Variants in KLK13 observed in about 807,000 individuals in gnomAD.
The protein encoded by KLK13 is kallikrein-13.
In KLK13, 19 loss-of-function variants were observed where a neutral mutation model predicts 22.4. The observed-to-expected ratio is 0.85, with a 90% CI of 0.59 to 1.24. KLK13 has a LOEUF of 1.24. Ranked by LOEUF, KLK13 falls within the 50% of genes most tolerant of loss-of-function variation. The probability of loss-of-function intolerance (pLI) is 0.00; values close to 1 mark genes in which losing one functional copy is unlikely to be tolerated. For synonymous variants in KLK13, 156 were observed against 141.8 expected (o/e 1.10, Z -0.71); for missense variants, 311 against 347.9 (o/e 0.89, Z 0.84).
At chr19:51,058,740 A>G in intron 3 of KLK13, 66 bp from the exon 4 acceptor site, 1 of 1,520,738 alleles carries the variant, frequency 6.6e-7, no homozygotes, top group Non-Finnish European at 9.1e-7. Context: ...AAGGTGAAAT[A>G]GGCGAGTTGA....
At chr19:51,057,042 C>A (rs899959899) in intron 4 of KLK13, among the ~76,000 whole-genome samples, 1 of 152,190 alleles carries the variant, frequency 6.6e-6, no homozygotes, top group Non-Finnish European at 1.5e-5. Context: ...AAGAGAGACA[C>A]AGAGAAATTT....
intron 1 of KLK13, 73 bp from the exon 2 acceptor site, chr19:51,060,692 G>A: frequency 7.7e-7 from 1 of 1,302,784 alleles, no homozygotes; most frequent in Non-Finnish European, 1.1e-6. Context: ...TGGTTTCTGG[G>A]TTTGGGGTAA....
intron 1 of KLK13, among the ~76,000 whole-genome samples, 189 bp from the exon 2 acceptor site, chr19:51,060,808 C>A (rs540640117): frequency 6.6e-6 from 1 of 152,248 alleles, no homozygotes; most frequent in East Asian, 1.9e-4. Context: ...AAAGGGGTGA[C>A]ATTATTTTCT....
Position 51,059,909 on chromosome 19 carries a change from T to A in KLK13, c.424A>T (p.Thr142Ser). ...SPVQLTGYIQ[T>S]LPLSHNNRLT... ...CGGTTGTTGTGGGAAAGGGGCAGGG[T>A]TTGGATGTAGCCTGTGAGCTGGACC... Residue 142 changes from threonine to serine, a missense_variant, in exon 3 of 5, where the codon ACC (threonine) becomes TCC (serine). Coordinates refer to ENST00000595793, the MANE Select transcript of KLK13 (RefSeq NM_015596.3). The A allele has an allele frequency of 6.2e-7, 1 of 1,606,052 alleles. No individual in the cohort carries two copies. Among genetic ancestry groups the A allele is most frequent in the East Asian group, 2.2e-5 (1 of 44,618 alleles).
intron 1 of KLK13, chr19:51,064,526 A>G: frequency 2.4e-6 from 1 of 424,750 alleles, no homozygotes; most frequent in East Asian, 6.9e-5. Flanking sequence ...ACTACTAATA[A>G]AGTAATAACG....
chr19:51,064,982 T>C, intron 1 of KLK13, 34 bp downstream of exon 1: 1 of 1,449,380 alleles, frequency 6.9e-7, no homozygotes, highest in Non-Finnish European at 9.2e-7. Context: ...TTGTCCCGAA[T>C]GGCCGCCGCG....
At chr19:51,061,024 T>C (rs1599786663) in intron 1 of KLK13, among the ~76,000 whole-genome samples, 1 of 152,144 alleles carries the variant, frequency 6.6e-6, no homozygotes. Flanking sequence ...CAATCATCCA[T>C]CCCCCATTCA....
chr19:51,063,524 C>A, intron 1 of KLK13: 1 of 381,472 alleles, frequency 2.6e-6, no homozygotes, highest in Non-Finnish European at 5.3e-6. Context: ...GGAGCAGGAG[C>A]CTTCTGTCTT....
chr19:51,065,445 G>A (rs981476127), upstream of KLK13, among the ~76,000 whole-genome samples: 1 of 152,046 alleles, frequency 6.6e-6, no homozygotes, highest in East Asian at 1.9e-4. Context: ...CTTGGTATTA[G>A]CCCAAGTTCT....
At chr19:51,062,532 C>T (rs180934110) in intron 1 of KLK13, among the ~76,000 whole-genome samples, 93 of 152,272 alleles carry the variant, frequency 6.1e-4, no homozygotes, top group African/African-American at 2.2e-3. Context: ...CCTAACACAG[C>T]GCCTGGCACA....
Position 51,056,593 on chromosome 19 carries a change from T to C in KLK13, c.828A>G (p.Pro276=). 1 of 1,614,184 alleles carries C rather than the reference T, an allele frequency of 6.2e-7. No homozygotes were observed. Among genetic ancestry groups the C allele is most frequent in the Non-Finnish European group, 8.5e-7 (1 of 1,180,016 alleles). Residue 276 remains proline, a synonymous_variant, in exon 5 of 5, where the codon CCA becomes CCG. Coordinates refer to ENST00000595793, the MANE Select transcript of KLK13 (RefSeq NM_015596.3). ...CCGGTACATTTCTCAACTTTTATTGTGGGCCCTTCAACCATTTTTGCTGCT... is the reference window on the plus strand; with the variant it reads ...CCGGTACATTTCTCAACTTTTATTGCGGGCCCTTCAACCATTTTTGCTGCT... ...ETQQQKWLKG[P]Q
intron 1 of KLK13, among the ~76,000 whole-genome samples, chr19:51,061,897 A>G (rs2091734667): frequency 6.6e-6 from 1 of 152,234 alleles, no homozygotes; most frequent in East Asian, 1.9e-4. Flanking sequence ...GTCCAGCCTC[A>G]TGGGCCTGTT....
chr19:51,064,995 T>A, intron 1 of KLK13, 21 bp downstream of exon 1: 1 of 1,393,406 alleles, frequency 7.2e-7, no homozygotes, highest in Non-Finnish European at 9.5e-7. Flanking sequence ...CCGCCGCGCC[T>A]CCACCCCCGC....
In KLK13 at chr19:51,060,577, G is replaced by A. The variant is rs757219149; in HGVS notation, c.95C>T (p.Thr32Ile). 1 of 1,612,912 alleles carries A rather than the reference G, an allele frequency of 6.2e-7. No individual in the cohort carries two copies. Among genetic ancestry groups the A allele is most frequent in the Non-Finnish European group, 8.5e-7 (1 of 1,179,280 alleles). Residue 32 changes from threonine (T) to isoleucine (I), a missense_variant, in exon 2 of 5, where the codon ACC becomes ATC. Transcript: ENST00000595793. ...GTAGCCACCTGGGAGAAACCCACTG[G>A]TCCCATTGGTGTTGAGAACCTTGGA... Reference protein sequence around the residue: ...ESSKVLNTNGTSGFLPGGYTC... With the variant: ...ESSKVLNTNGISGFLPGGYTC...
At chr19:51,064,839 C>T (rs1599790952) in intron 1 of KLK13, 177 bp downstream of exon 1, 1 of 624,488 alleles carries the variant, frequency 1.6e-6, no homozygotes, top group East Asian at 2.8e-5. Flanking sequence ...CAACCTCAGC[C>T]GGGAAACCAG....
rs985524880 is a variant in KLK13 at position 51,064,894 on chromosome 19, G to C, written c.52+122C>G. On this transcript the variant is annotated intron_variant, in intron 1 of 4. Transcript: ENST00000595793. Reference sequence around the variant, plus strand: ...GAAGAGCTCTGAGCTGTCCCCACTGGACCCGGCCCCGAGTGGGCGGGGGGC... The same window carrying C: ...GAAGAGCTCTGAGCTGTCCCCACTGCACCCGGCCCCGAGTGGGCGGGGGGC... 14 of 796,034 alleles carry C rather than the reference G, an allele frequency of 1.8e-5. No homozygotes were observed. In the Admixed American group the frequency reaches 2.6e-4, roughly 15 times the overall value. The allele number at this position is 796,034 out of a possible 1,614,324, so 49.3% of individuals were successfully genotyped here.
In KLK13 at chr19:51,060,466, T is replaced by C. The variant is rs2122697044; in HGVS notation, c.206A>G (p.Lys69Arg). The C allele has an allele frequency of 3.1e-6, 5 of 1,613,222 alleles. No homozygotes were observed. The highest frequency in any genetic ancestry group is 3.4e-6 in the Non-Finnish European group (4 of 1,179,512). Residue 69 changes from lysine to arginine, a missense_variant, in exon 2 of 5, where the codon AAA becomes AGA. Coordinates refer to ENST00000595793, the MANE Select transcript of KLK13 (RefSeq NM_015596.3). The stretch of plus-strand genomic sequence containing the variant: ...ACAGTGTGCGGCAGTGAGGACCCAT[T>C]TGGGGTGGACCAGGACTCCCCCACA... ...LLCGGVLVHP[K>R]WVLTAAHCLK...
At chr19:51,064,000 TA>T (rs2091753809) in intron 1 of KLK13, 2 of 362,430 alleles carry the variant, frequency 5.5e-6, no homozygotes, top group Non-Finnish European at 1.1e-5. Flanking sequence ...GGCCGGTGTT[TA>T]ATAGCTGTTT....
chr19:51,064,487 C>CAAAAAA, intron 1 of KLK13: 15 of 158,534 alleles, frequency 9.5e-5, no homozygotes, highest in Middle Eastern at 1.5e-3. Flanking sequence ...GGTTCCATCT[C>CAAAAAA]AAAAAAAAAA....
Sources: allele counts gnomAD v4.1 joint callset (sites outside exome capture counted in the v4.1 genomes callset), GRCh38; gene constraint gnomAD v4.1.1; transcripts MANE v1.5; gene names NCBI Gene and HGNC (gene_info 2026-07-23, HGNC 2026-07-21).